The following UNC13C variants were observed in gnomAD, a reference collection of about 807,000 sequenced individuals.
UNC13C encodes unc-13 homolog C, also known as protein unc-13 homolog C.
A neutral mutation model predicts 245.4 loss-of-function variants in UNC13C; 174 were observed. The ratio of observed to expected loss-of-function variants is 0.71; its 90% confidence interval spans 0.63 to 0.80. UNC13C has a LOEUF of 0.80. Ranked by LOEUF, UNC13C falls within the 30% of genes least tolerant of loss-of-function variation. UNC13C has a pLI of 0.00. For missense variants in UNC13C, 2,829 were observed against 2,602.9 expected (o/e 1.09, Z -1.89); for synonymous variants, 992 against 895.1 (o/e 1.11, Z -1.93).
chr15:54,623,012 A>T lies in UNC13C; in HGVS notation c.6199+593A>T, dbSNP rs973627885. ...ATTGTATCTTTACATCATAAAAGTAAAATAGCTATATTTTAGAATAGATTA... is the reference window on the plus strand; with the variant it reads ...ATTGTATCTTTACATCATAAAAGTATAATAGCTATATTTTAGAATAGATTA... On this transcript the variant is annotated intron_variant, in intron 31 of 32. Coordinates refer to ENST00000260323, the MANE Select transcript of UNC13C (RefSeq NM_001080534.3). Among the ~76,000 whole-genome samples the T allele has an allele frequency of 3.9e-5, 6 of 152,326 alleles. No individual in the cohort carries two copies. In the South Asian group the frequency reaches 8.3e-4, roughly 21 times the overall value.
chr15:54,044,734 A>G (rs140008338), intron 2 of UNC13C, among the ~76,000 whole-genome samples: 1 of 152,324 alleles, frequency 6.6e-6, no homozygotes, highest in Non-Finnish European at 1.5e-5. Context: ...TATCAGATAC[A>G]TATAGATAGT....
chr15:54,259,971 G>T (rs1323547975), intron 8 of UNC13C, among the ~76,000 whole-genome samples: 1 of 151,424 alleles, frequency 6.6e-6, no homozygotes, highest in East Asian at 2.0e-4. Context: ...GCAGGAGTTT[G>T]CAAGAATTTC....
intron 20 of UNC13C, among the ~76,000 whole-genome samples, chr15:54,499,058 A>G (rs767084318): frequency 3.9e-5 from 6 of 152,114 alleles, no homozygotes; most frequent in Non-Finnish European, 7.4e-5. Flanking sequence ...GAGTCTAGGT[A>G]AAAAATAAAT....
At chr15:54,404,272 A>G (rs1002335639) in intron 18 of UNC13C, among the ~76,000 whole-genome samples, 1 of 152,182 alleles carries the variant, frequency 6.6e-6, no homozygotes, top group Admixed American at 6.5e-5. Flanking sequence ...TTCTCATTTA[A>G]TGGATTCTAA....
chr15:54,289,577 C>T (rs1239867155), intron 10 of UNC13C, among the ~76,000 whole-genome samples: 1 of 152,074 alleles, frequency 6.6e-6, no homozygotes, highest in Non-Finnish European at 1.5e-5. Context: ...GCAAACAACA[C>T]AGTCCACTTT....
At chr15:54,183,436 C>T (rs1468024448) in intron 4 of UNC13C, among the ~76,000 whole-genome samples, 3 of 151,110 alleles carry the variant, frequency 2.0e-5, no homozygotes, top group Non-Finnish European at 3.0e-5. Flanking sequence ...CTTGTCTTTG[C>T]AAAGCAAAAG....
chr15:54,369,241 A>T lies in UNC13C; in HGVS notation c.4714-23807A>T, dbSNP rs977383288. Among the ~76,000 whole-genome samples, 3 of 151,556 alleles carry T rather than the reference A, an allele frequency of 2.0e-5. No individual in the cohort carries two copies. The East Asian group carries it at 6.0e-4, about 30-fold the overall frequency. On this transcript the variant is annotated intron_variant, in intron 17 of 32. Transcript: ENST00000260323. ...ATGCTAGAGGACATCAGTTGAATGC[A>T]TTTTAATTTCATGTTATTATTGGTA...
At chr15:53,932,866 C>A in the UNC13C span, among the ~76,000 whole-genome samples, 1 of 152,184 alleles carries the variant, frequency 6.6e-6, no homozygotes, top group Non-Finnish European at 1.5e-5. Context: ...TAAACATCCC[C>A]ATTTAATTTT....
At chr15:53,880,876 T>C in the UNC13C span, among the ~76,000 whole-genome samples, 1 of 152,174 alleles carries the variant, frequency 6.6e-6, no homozygotes, top group Non-Finnish European at 1.5e-5. Context: ...AATCGCTGGA[T>C]TTTTAATGTT....
In UNC13C at chr15:54,332,338, T is replaced by TG. The variant is rs59646787; in HGVS notation, c.4494+227_4494+228insG. On this transcript the variant is annotated intron_variant, in intron 15 of 32. Coordinates refer to ENST00000260323, the MANE Select transcript of UNC13C (RefSeq NM_001080534.3). ...GTGTGTGTGTGTGTGTGTGTGTGTG[T>TG]TTGTGTATGCACTTGCAGCTTTAAT... Among the ~76,000 whole-genome samples the TG allele has an allele frequency of 2.8e-3, 428 of 151,152 alleles. 3 individuals are homozygous for TG. The highest frequency in any genetic ancestry group is 9.8e-3 in the African/African-American group (401 of 40,990).
chr15:54,256,901 G>A (rs2036293174), intron 8 of UNC13C, among the ~76,000 whole-genome samples: 1 of 152,266 alleles, frequency 6.6e-6, no homozygotes, highest in East Asian at 1.9e-4. Flanking sequence ...TAAGGAAGCG[G>A]CCTTGTTTGT....
intron 13 of UNC13C, among the ~76,000 whole-genome samples, chr15:54,309,569 A>G (rs1742737674): frequency 1.3e-5 from 2 of 151,820 alleles, no homozygotes; most frequent in South Asian, 4.1e-4. Context: ...TAACTAATAC[A>G]TCATTGCACA....
intron 14 of UNC13C, among the ~76,000 whole-genome samples, chr15:54,327,301 A>C (rs962384284): frequency 6.6e-6 from 1 of 151,982 alleles, no homozygotes; most frequent in African/African-American, 2.4e-5. Context: ...TGACTGACCA[A>C]CCTCTATAAT....
At chr15:54,194,153 C>T (rs899824910) in intron 4 of UNC13C, among the ~76,000 whole-genome samples, 37 of 152,224 alleles carry the variant, frequency 2.4e-4, no homozygotes, top group Middle Eastern at 3.4e-3. Context: ...CTGGCTGCTC[C>T]GTGTAGACCA....
At chr15:53,984,029 T>C (rs1894028998) in intron 1 of UNC13C, among the ~76,000 whole-genome samples, 1 of 152,112 alleles carries the variant, frequency 6.6e-6, no homozygotes, top group Non-Finnish European at 1.5e-5. Flanking sequence ...GCTTGAATCT[T>C]CCAATTGTTT....
intron 4 of UNC13C, among the ~76,000 whole-genome samples, 153 bp from the exon 5 acceptor site, chr15:54,234,877 T>C (rs1049922169): frequency 2.0e-5 from 3 of 152,246 alleles, no homozygotes; most frequent in African/African-American, 7.2e-5. Flanking sequence ...AACAAAGTCC[T>C]AGAAGCTTGT....
At chr15:53,917,252 T>G in the UNC13C span, among the ~76,000 whole-genome samples, 8 of 152,176 alleles carry the variant, frequency 5.3e-5, no homozygotes, top group African/African-American at 7.2e-5. Flanking sequence ...TGAATAAACC[T>G]CCCAGCATTC....
At chr15:54,493,037 G>C (rs1445927838) in intron 19 of UNC13C, among the ~76,000 whole-genome samples, 5 of 152,170 alleles carry the variant, frequency 3.3e-5, no homozygotes. Context: ...GCTATTTAAT[G>C]ATGAGTCTAT....
the UNC13C span, among the ~76,000 whole-genome samples, chr15:53,857,044 C>T: frequency 6.6e-6 from 1 of 152,104 alleles, no homozygotes; most frequent in South Asian, 2.1e-4. Flanking sequence ...GATCTGCCCA[C>T]CTCAGCTTCC....
Sources: gnomAD v4.1 joint callset for allele counts (sites outside exome capture counted in the v4.1 genomes callset) on GRCh38, gnomAD v4.1.1 for gene constraint, MANE v1.5 for transcripts, NCBI Gene and HGNC (gene_info 2026-07-23, HGNC 2026-07-21) for gene names.